The following CYP3A5 variants were observed in gnomAD, a reference collection of about 807,000 sequenced individuals.
CYP3A5 encodes the protein cytochrome P450 family 3 subfamily A member 5.
Under a neutral mutation model 55.9 loss-of-function variants are expected in CYP3A5, and 51 were observed. The observed-to-expected ratio is 0.91, with a 90% CI of 0.73 to 1.15. The LOEUF is 1.15. Among genes scored for constraint, CYP3A5 ranks in the 50% most tolerant of loss-of-function variants. The probability of loss-of-function intolerance (pLI) is 0.00; values close to 1 mark genes in which losing one functional copy is unlikely to be tolerated. For synonymous variants in CYP3A5, 196 were observed against 213.9 expected (o/e 0.92, Z 0.73); for missense variants, 533 against 596.6 (o/e 0.89, Z 1.11).
rs903712599 is a variant in CYP3A5 at position 99,653,633 on chromosome 7, G to C, written c.1027-854C>G. Among the ~76,000 whole-genome samples, 7 of 152,256 alleles carry C rather than the reference G, an allele frequency of 4.6e-5. No individual in the cohort carries two copies. In the East Asian group the frequency reaches 1.4e-3, roughly 29 times the overall value. On this transcript the variant is annotated intron_variant, in intron 10 of 12. Coordinates refer to ENST00000222982, the MANE Select transcript of CYP3A5 (RefSeq NM_000777.5). The surrounding 1 kb of genome is among the most constrained non-coding windows in gnomAD (Gnocchi z 4.2). Reference sequence around the variant, plus strand: ...AGCCCCATCCCCTCCTTTTGGAATAGTTTCCTAGTTGTTGCTTCAGGGCTG... The same window carrying C: ...AGCCCCATCCCCTCCTTTTGGAATACTTTCCTAGTTGTTGCTTCAGGGCTG...
intron 7 of CYP3A5, 134 bp downstream of exon 7, chr7:99,665,032 G>T: frequency 1.1e-6 from 1 of 870,832 alleles, no homozygotes; most frequent in Non-Finnish European, 1.7e-6. Context: ...AATAGTAATG[G>T]TCATACATAT....
At chr7:99,650,004 ATT>A in intron 12 of CYP3A5, 67 bp downstream of exon 12, 1 of 1,550,922 alleles carries the variant, frequency 6.4e-7, no homozygotes, top group South Asian at 1.2e-5. Flanking sequence ...AAACATGCAT[ATT>A]CTTTTAAAAA....
chr7:99,655,668 G>T (rs1809647340), intron 10 of CYP3A5, among the ~76,000 whole-genome samples: 1 of 152,150 alleles, frequency 6.6e-6, no homozygotes, highest in African/African-American at 2.4e-5. Context: ...ATTACCTTGG[G>T]CAGTATGGCC....
In CYP3A5 at chr7:99,650,195, A is replaced by T. The variant is rs746993664; in HGVS notation, c.1291T>A (p.Tyr431Asn). Residue 431 changes from tyrosine (Y) to asparagine (N), a missense_variant, in exon 12 of 13, where the codon TAC (tyrosine) becomes AAC (asparagine). Tyr to Asn is a moderately radical substitution (Grantham distance 143). Transcript: ENST00000222982. ...KKKDSIDPYI[Y>N]TPFGTGPRNC... is the part of the protein sequence containing the mutation. The stretch of plus-strand genomic sequence containing the variant: ...CTGGGTCCAGTTCCAAAGGGTGTGT[A>T]TATGTAAGGATCTATGCTGTCCTTC... The T allele has an allele frequency of 3.1e-6, 5 of 1,614,076 alleles. No homozygotes were observed. In the Admixed American group the frequency reaches 8.3e-5, roughly 27 times the overall value.
chr7:99,670,814 T>C (rs1394572554), intron 4 of CYP3A5: 1 of 152,202 alleles, frequency 6.6e-6, no homozygotes, highest in Non-Finnish European at 1.5e-5. Context: ...CCTTGAGAAC[T>C]CACTGAGAAT....
chr7:99,663,170 A>G (rs2151411943), intron 8 of CYP3A5: 1 of 1,144,800 alleles, frequency 8.7e-7, no homozygotes, highest in South Asian at 2.3e-5. Flanking sequence ...TTCTGGCCAA[A>G]GAGTTGCCGG....
intron 11 of CYP3A5, among the ~76,000 whole-genome samples, chr7:99,650,806 TC>T (rs1230108841): frequency 1.3e-5 from 2 of 151,888 alleles, no homozygotes; most frequent in Admixed American, 6.6e-5. Flanking sequence ...CCTCTCTTTC[TC>T]CCCCACACCC....
intron 1 of CYP3A5, among the ~76,000 whole-genome samples, chr7:99,677,506 G>A (rs1012093554): frequency 1.3e-5 from 2 of 152,224 alleles, no homozygotes; most frequent in Non-Finnish European, 1.5e-5. Flanking sequence ...CCGGAGAGTT[G>A]TATTAAGACC....
chr7:99,666,712 C>G (rs1006096487), intron 5 of CYP3A5, 23 bp from the exon 6 acceptor site: 1 of 1,613,960 alleles, frequency 6.2e-7, no homozygotes. Context: ...CAGATCAGTA[C>G]CTGTAGTTAA....
chr7:99,676,653 C>T, intron 1 of CYP3A5: 1 of 840,496 alleles, frequency 1.2e-6, no homozygotes, highest in Non-Finnish European at 1.8e-6. Context: ...CACTCAATCA[C>T]AGAGGGTCAC....
intron 9 of CYP3A5, among the ~76,000 whole-genome samples, chr7:99,661,866 T>C (rs1346792619): frequency 2.0e-5 from 3 of 152,260 alleles, no homozygotes; most frequent in Non-Finnish European, 4.4e-5. Context: ...TATCCACATG[T>C]GGCTATTTAA....
intron 3 of CYP3A5, 192 bp from the exon 4 acceptor site, chr7:99,672,871 G>A: frequency 1.4e-6 from 2 of 1,397,154 alleles, no homozygotes; most frequent in East Asian, 5.3e-5. Context: ...GCCACCCAAG[G>A]CTTCATATGA....
chr7:99,666,452 C>G (rs1811028490), intron 6 of CYP3A5, 149 bp downstream of exon 6: 1 of 809,152 alleles, frequency 1.2e-6, no homozygotes, highest in African/African-American at 1.7e-5. Context: ...ATGGGAGCCA[C>G]TCCCTCTTAG....
At position 99,653,671 on chromosome 7, in the gene CYP3A5, C is replaced by T. The variant is rs1367162629; in HGVS notation, c.1027-892G>A. Among the ~76,000 whole-genome samples the T allele has an allele frequency of 6.6e-6, 1 of 152,154 alleles. No individual in the cohort carries two copies. Among genetic ancestry groups the T allele is most frequent in the Non-Finnish European group, 1.5e-5 (1 of 68,038 alleles). ...TGCTTCAGGGCTGGACTGTAATCTT[C>T]AGGACTGGATGTAAATGTCCCTTTG... is the stretch of plus-strand genomic sequence containing the variant. On this transcript the variant is annotated intron_variant, in intron 10 of 12. Coordinates refer to ENST00000222982, the MANE Select transcript of CYP3A5 (RefSeq NM_000777.5). The surrounding 1 kb of genome is among the most constrained non-coding windows in gnomAD (Gnocchi z 4.2).
At chr7:99,659,519 G>C (rs1810163949) in intron 10 of CYP3A5, 1 of 154,612 alleles carries the variant, frequency 6.5e-6, no homozygotes, top group Non-Finnish European at 1.4e-5. Flanking sequence ...CTGCTCGGGG[G>C]TCAGGGACCC....
Position 99,652,585 on chromosome 7 carries a change from G to A in CYP3A5, c.1221C>T (p.Tyr407=). 6.2e-7 allele frequency: 1 copy of A among 1,613,726 alleles called. No individual in the cohort carries two copies. The highest frequency in any genetic ancestry group is 1.7e-5 in the Admixed American group (1 of 60,008). The change falls in exon 11 of 13, where the codon TAC becomes TAT. Residue 407 remains tyrosine (Y), a synonymous_variant. Coordinates refer to ENST00000222982, the MANE Select transcript of CYP3A5 (RefSeq NM_000777.5). Reference sequence around the variant, plus strand: ...GGCGGAACTCCTCAGGCTCTGTCCAGTACTTTGGGTCATGGTGAAGAGCAT... The same window carrying A: ...GGCGGAACTCCTCAGGCTCTGTCCAATACTTTGGGTCATGGTGAAGAGCAT... ...PTYALHHDPK[Y]WTEPEEFRPE...
chr7:99,676,949 C>G (rs956588749), intron 1 of CYP3A5, among the ~76,000 whole-genome samples: 1 of 152,076 alleles, frequency 6.6e-6, no homozygotes, highest in Non-Finnish European at 1.5e-5. Context: ...TCCATATGTC[C>G]TTGAATGATT....
chr7:99,675,131 G>GTGAA (rs1812091996), intron 2 of CYP3A5, among the ~76,000 whole-genome samples: 1 of 152,348 alleles, frequency 6.6e-6, no homozygotes, highest in Admixed American at 6.5e-5. Context: ...AAGTGAGTGA[G>GTGAA]TGAATGAGAA....
At chr7:99,651,891 C>T (rs950546229) in intron 11 of CYP3A5, among the ~76,000 whole-genome samples, 1 of 152,096 alleles carries the variant, frequency 6.6e-6, no homozygotes, top group Non-Finnish European at 1.5e-5. Context: ...ACAGATAGGA[C>T]CAGGAGGACC....
Sources: allele counts gnomAD v4.1 joint callset (sites outside exome capture counted in the v4.1 genomes callset), GRCh38; gene constraint gnomAD v4.1.1; non-coding constraint Gnocchi (gnomAD v3.1); transcripts MANE v1.5; gene names NCBI Gene and HGNC (gene_info 2026-07-23, HGNC 2026-07-21).